CDH13: variants seen among roughly 807,000 people sequenced by gnomAD.
The protein encoded by CDH13 is cadherin-13.
A neutral mutation model predicts 63.8 loss-of-function variants in CDH13; 24 were observed. The observed-to-expected ratio is 0.38, with a 90% CI of 0.27 to 0.53. CDH13 has a LOEUF of 0.53. CDH13 is among the 20% of genes least tolerant of loss of function. The pLI is 0.85. For synonymous variants in CDH13, 503 were observed against 355.3 expected, an observed-to-expected ratio of 1.42 and a Z score of -4.67; for missense variants, 1,049 against 903.1, an observed-to-expected ratio of 1.16 and a Z score of -2.07.
intron 11 of CDH13, among the ~76,000 whole-genome samples, chr16:83,758,903 G>T (rs1567576792): frequency 1.3e-5 from 2 of 152,190 alleles, no homozygotes; most frequent in African/African-American, 4.8e-5. Flanking sequence ...CACATTAACG[G>T]AGAGATATAC....
intron 5 of CDH13, among the ~76,000 whole-genome samples, chr16:83,236,805 G>C (rs2040158040): frequency 6.6e-6 from 1 of 152,126 alleles, no homozygotes; most frequent in Non-Finnish European, 1.5e-5. Flanking sequence ...CAAGTTAGAT[G>C]AGTGGCAGGG....
chr16:83,144,450 C>T (rs1266785164), intron 4 of CDH13, among the ~76,000 whole-genome samples: 5 of 152,182 alleles, frequency 3.3e-5, no homozygotes, highest in Non-Finnish European at 7.3e-5. Context: ...TTTCTATGTT[C>T]TAGTTAAGGA....
intron 2 of CDH13, among the ~76,000 whole-genome samples, chr16:83,025,253 T>C (rs1282524743): frequency 2.6e-5 from 4 of 152,170 alleles, no homozygotes; most frequent in Non-Finnish European, 5.9e-5. Context: ...TGGATAAAGA[T>C]GTCGAGGATT....
chr16:83,617,741 T>C (rs960289302), intron 8 of CDH13, among the ~76,000 whole-genome samples: 4 of 151,768 alleles, frequency 2.6e-5, no homozygotes, highest in African/African-American at 9.7e-5. Flanking sequence ...TATTCTAATA[T>C]GCACATATCC....
Position 83,125,495 on chromosome 16 carries a change from T to A in CDH13, c.477T>A (p.Val159=). ...AGAGACAGCCTTTCCCAAGAGATGT[T>A]GGCAAGGTAAGTCAGACAAACAGCA... The part of the protein sequence containing the change: ...ENQRQPFPRD[V]GKVVDSDRPE... Residue 159 remains valine (V), a synonymous_variant, in exon 4 of 14, where the codon GTT becomes GTA. Transcript: ENST00000567109. 6.4e-7 allele frequency: 1 copy of A among 1,570,880 alleles called. No individual in the cohort carries two copies. The highest frequency in any genetic ancestry group is 8.8e-7 in the Non-Finnish European group (1 of 1,140,950).
chr16:83,423,551 A>G (rs2071783307), intron 6 of CDH13, among the ~76,000 whole-genome samples: 1 of 152,144 alleles, frequency 6.6e-6, no homozygotes. Context: ...TAAAAGTCTG[A>G]AATAAAAGTT....
chr16:83,651,650 C>T (rs990997839), intron 8 of CDH13, among the ~76,000 whole-genome samples: 4 of 127,406 alleles, frequency 3.1e-5, no homozygotes, highest in African/African-American at 9.1e-5. Flanking sequence ...GGCTGGAGTG[C>T]AGTAGCACAA....
chr16:83,176,512 G>GAAA lies in CDH13; in HGVS notation c.484-40813_484-40811dup, dbSNP rs869250059. ...GTGACAGAGCAAGAATCCAGCTAGA[G>GAAA]AAAAAAAAAAAAAAAAAAAAAAGTC... On this transcript the variant is annotated intron_variant, in intron 4 of 13. Coordinates refer to ENST00000567109, the MANE Select transcript of CDH13 (RefSeq NM_001257.5). 2.2e-3 allele frequency among the ~76,000 whole-genome samples: 158 copies of GAAA among 71,736 alleles called. 1 individual carries two copies. Among genetic ancestry groups the GAAA allele is most frequent in the Middle Eastern group, 8.3e-3 (1 of 120 alleles). 47.1% of individuals were successfully genotyped at this position (71,736 alleles called of 152,430 possible). A position where few individuals can be genotyped will look rare whatever the true frequency, so the allele number is the denominator to read the frequency against.
In CDH13 at chr16:82,909,049, A is replaced by G. The variant is rs543212407; in HGVS notation, c.157+50576A>G. On this transcript the variant is annotated intron_variant, in intron 2 of 13. Transcript: ENST00000567109. ...ACCAATCTTCTCCATATACAGAGGG[A>G]CAACTATACTTTAAATCATCTCTAG... Among the ~76,000 whole-genome samples the G allele has an allele frequency of 5.9e-5, 9 of 152,318 alleles. No homozygotes were observed. In the South Asian group the frequency reaches 1.9e-3, roughly 32 times the overall value.
At chr16:83,433,195 C>T (rs753562468) in intron 6 of CDH13, among the ~76,000 whole-genome samples, 1 of 152,182 alleles carries the variant, frequency 6.6e-6, no homozygotes, top group Non-Finnish European at 1.5e-5. Flanking sequence ...AGTGTTGGGA[C>T]CAGAAAGGGG....
chr16:83,371,334 G>A (rs1346425394), intron 6 of CDH13, among the ~76,000 whole-genome samples: 1 of 152,062 alleles, frequency 6.6e-6, no homozygotes, highest in Non-Finnish European at 1.5e-5. Flanking sequence ...TTTTGCATTA[G>A]TGGAGAAACA....
At chr16:82,919,456 T>G (rs1475552557) in intron 2 of CDH13, among the ~76,000 whole-genome samples, 1 of 152,182 alleles carries the variant, frequency 6.6e-6, no homozygotes, top group Non-Finnish European at 1.5e-5. Flanking sequence ...TGAGAACTTG[T>G]GGTATTTGGT....
At chr16:82,805,879 C>T (rs1043090630) in intron 1 of CDH13, among the ~76,000 whole-genome samples, 4 of 152,290 alleles carry the variant, frequency 2.6e-5, no homozygotes, top group Admixed American at 6.5e-5. Context: ...GCAAATAAGA[C>T]AACTGTCTGT....
chr16:83,274,259 C>A (rs1298477184), intron 5 of CDH13, among the ~76,000 whole-genome samples: 1 of 152,192 alleles, frequency 6.6e-6, no homozygotes, highest in African/African-American at 2.4e-5. Context: ...TCAGCCAAGG[C>A]TGGAGGTGGA....
intron 6 of CDH13, among the ~76,000 whole-genome samples, chr16:83,358,021 G>T (rs1363774066): frequency 1.3e-5 from 2 of 152,178 alleles, no homozygotes; most frequent in Non-Finnish European, 1.5e-5. Flanking sequence ...ATGTCCCAGT[G>T]AGGAAACTGA....
In CDH13 at chr16:83,053,800, G is replaced by A. The variant is rs561143302; in HGVS notation, c.366+21582G>A. ...ATAATTCCAAATTAGGATGCATCCA[G>A]TAACATATACAGCAGCCCCCCTTAT... On this transcript the variant is annotated intron_variant, in intron 3 of 13. Transcript: ENST00000567109. Among the ~76,000 whole-genome samples the A allele has an allele frequency of 1.1e-3, 172 of 152,204 alleles. 1 individual carries two copies. Among genetic ancestry groups the A allele is most frequent in the Non-Finnish European group, 2.2e-3 (153 of 68,010 alleles).
At chr16:83,023,143 A>T (rs368398756) in intron 2 of CDH13, 27 of 152,314 alleles carry the variant, frequency 1.8e-4, no homozygotes, top group African/African-American at 3.1e-4. Context: ...TGCCATTTCA[A>T]TTGTGGTTTT....
chr16:83,008,971 T>G (rs996183097), intron 2 of CDH13, among the ~76,000 whole-genome samples: 1 of 152,104 alleles, frequency 6.6e-6, no homozygotes, highest in Non-Finnish European at 1.5e-5. Context: ...GAGAGCTGAG[T>G]GAAGCGGGAA....
intron 2 of CDH13, among the ~76,000 whole-genome samples, chr16:82,911,777 C>G (rs1333481868): frequency 6.6e-6 from 1 of 152,124 alleles, no homozygotes; most frequent in Non-Finnish European, 1.5e-5. Context: ...TCCCTCACAC[C>G]TATGCCCCAG....
Sources: allele counts gnomAD v4.1 joint callset (sites outside exome capture counted in the v4.1 genomes callset), GRCh38; gene constraint gnomAD v4.1.1; transcripts MANE v1.5; gene names NCBI Gene and HGNC (gene_info 2026-07-23, HGNC 2026-07-21).